The following KCNQ1 variants were observed in gnomAD, a reference collection of about 807,000 sequenced individuals.
KCNQ1 encodes potassium voltage-gated channel subfamily Q member 1.
A neutral mutation model predicts 72.4 loss-of-function variants in KCNQ1; 49 were observed. The ratio of observed to expected loss-of-function variants is 0.68; its 90% CI spans 0.54 to 0.86. The LOEUF (loss-of-function observed/expected upper bound fraction) is 0.86. KCNQ1 is among the 40% of genes least tolerant of loss of function. KCNQ1 has a pLI of 0.00. For synonymous variants in KCNQ1, 450 were observed against 412.6 expected, an observed-to-expected ratio of 1.09 and a Z score of -1.10; for missense variants, 790 against 945.1, an observed-to-expected ratio of 0.84 and a Z score of 2.15.
rs1319280517 is a variant in KCNQ1 at position 2,592,120 on chromosome 11, C to T, written c.1393+3266C>T. On this transcript the variant is annotated intron_variant, in intron 10 of 15. Coordinates refer to ENST00000155840, the MANE Select transcript of KCNQ1 (RefSeq NM_000218.3). This position sits in a 1 kb window ranked among gnomAD's most constrained non-coding sequence, Gnocchi z 5.2. ...CAGGTTAGGCAGAAGTCCCCTTGAC[C>T]CTGCCTCAGGGCTGCTACCTGTCTG... Among the ~76,000 whole-genome samples, 1 of 152,254 alleles carries T rather than the reference C, an allele frequency of 6.6e-6. No homozygotes were observed. The highest frequency in any genetic ancestry group is 1.5e-5 in the Non-Finnish European group (1 of 68,042).
At chr11:2,681,235 G>A (rs1035237500) in intron 11 of KCNQ1, 41 of 398,488 alleles carry the variant, frequency 1.0e-4, no homozygotes, top group Non-Finnish European at 1.1e-4. Context: ...GAAGGAAGCA[G>A]GAGAGTATTC....
rs1488842284 is a variant in KCNQ1 at position 2,603,242 on chromosome 11, C to G, written c.1393+14388C>G. On this transcript the variant is annotated intron_variant, in intron 10 of 15. Coordinates refer to ENST00000155840, the MANE Select transcript of KCNQ1 (RefSeq NM_000218.3). This position sits in a 1 kb window ranked among gnomAD's most constrained non-coding sequence, Gnocchi z 4.1. ...TGTAGTCTATTAAGTGTGCAATAGC[C>G]CCATGTCTAAGAAAACAATGTGCCT... Among the ~76,000 whole-genome samples the G allele has an allele frequency of 2.0e-5, 3 of 152,020 alleles. No individual in the cohort carries two copies. The highest frequency in any genetic ancestry group is 4.4e-5 in the Non-Finnish European group (3 of 67,994).
intron 1 of KCNQ1, among the ~76,000 whole-genome samples, chr11:2,449,483 A>G (rs1475187437): frequency 1.3e-5 from 2 of 152,150 alleles, no homozygotes; most frequent in African/African-American, 4.8e-5. Flanking sequence ...TGGGCCGGCC[A>G]GTGCGGGGTC....
In KCNQ1 at chr11:2,516,935, G is replaced by A. The variant is rs1230000759; in HGVS notation, c.387-10993G>A. 1.3e-5 allele frequency among the ~76,000 whole-genome samples: 2 copies of A among 152,126 alleles called. No individual in the cohort carries two copies. Among genetic ancestry groups the A allele is most frequent in the African/African-American group, 4.8e-5 (2 of 41,424 alleles). ...CCGGGAAGCTTCCTGGCTGCCCGAG[G>A]GTCCCCCAGCACCTGTCCCTCTAGG... is the stretch of plus-strand genomic sequence containing the variant. On this transcript the variant is annotated intron_variant, in intron 1 of 15. Transcript: ENST00000155840. This position sits in a 1 kb window ranked among gnomAD's most constrained non-coding sequence, Gnocchi z 7.0.
chr11:2,618,348 C>A, intron 10 of KCNQ1: 1 of 398,532 alleles, frequency 2.5e-6, no homozygotes, highest in Non-Finnish European at 4.4e-6. Flanking sequence ...ACAAAGTTTA[C>A]AAATTTGTGT....
intron 1 of KCNQ1, among the ~76,000 whole-genome samples, chr11:2,503,608 T>A (rs1247019025): frequency 6.6e-6 from 1 of 151,500 alleles, no homozygotes; most frequent in Non-Finnish European, 1.5e-5. Context: ...AGTTAATGGG[T>A]GCAGCACACC....
intron 8 of KCNQ1, among the ~76,000 whole-genome samples, chr11:2,586,038 G>A (rs1848587343): frequency 6.6e-6 from 1 of 152,232 alleles, no homozygotes; most frequent in Admixed American, 6.5e-5. Flanking sequence ...GTTGGCCACT[G>A]CAGGGCCAGG....
intron 6 of KCNQ1, among the ~76,000 whole-genome samples, chr11:2,581,081 C>T (rs1279548224): frequency 1.3e-5 from 2 of 152,202 alleles, no homozygotes; most frequent in African/African-American, 4.8e-5. Context: ...AGTGTCCCCC[C>T]AAAAAATCTG....
At chr11:2,518,669 G>A (rs543537049) in intron 1 of KCNQ1, among the ~76,000 whole-genome samples, 132 of 152,268 alleles carry the variant, frequency 8.7e-4, no homozygotes, top group African/African-American at 2.4e-3. Flanking sequence ...TCTGTCTAAC[G>A]GGGACAGCAC....
chr11:2,651,018 T>C lies in KCNQ1; in HGVS notation c.1394-10943T>C, dbSNP rs1415917495. 2.5e-5 allele frequency: 10 copies of C among 398,644 alleles called. No individual in the cohort carries two copies. The highest frequency in any genetic ancestry group is 4.0e-5 in the Non-Finnish European group (9 of 226,134). The allele number at this position is 398,644 out of a possible 1,614,324, so 24.7% of individuals were successfully genotyped here. A position where few individuals can be genotyped will look rare whatever the true frequency, so the allele number is the denominator to read the frequency against. Reference sequence around the variant, plus strand: ...TTTGCCCACACCTAGTCTCTCCAGCTATCTCCCTGGTTAAAACCACCACCA... The same window carrying C: ...TTTGCCCACACCTAGTCTCTCCAGCCATCTCCCTGGTTAAAACCACCACCA... On this transcript the variant is annotated intron_variant, in intron 10 of 15. Transcript: ENST00000155840. This position sits in a 1 kb window ranked among gnomAD's most constrained non-coding sequence, Gnocchi z 6.1.
rs1294667960 is a variant in KCNQ1 at position 2,654,327 on chromosome 11, G to C, written c.1394-7634G>C. ...ATTTCTTGAGGGGGCCAGGGAGGGG[G>C]CTTCTACTTGCAAAGGATAGGGAGA... is the stretch of plus-strand genomic sequence containing the variant. On this transcript the variant is annotated intron_variant, in intron 10 of 15. Transcript: ENST00000155840. The surrounding 1 kb of genome is among the most constrained non-coding windows in gnomAD (Gnocchi z 6.4). 30 of 398,684 alleles carry C rather than the reference G, an allele frequency of 7.5e-5. No homozygotes were observed. In the East Asian group the frequency reaches 1.1e-3, roughly 14 times the overall value. 24.7% of individuals were successfully genotyped at this position (398,684 alleles called of 1,614,324 possible).
chr11:2,602,827 A>G lies in KCNQ1; in HGVS notation c.1393+13973A>G, dbSNP rs894629314. ...TTATATATTCTAGATACTTATCTTA[A>G]GTCAGAAACAGGGTGCAAATATTTA... On this transcript the variant is annotated intron_variant, in intron 10 of 15. Coordinates refer to ENST00000155840, the MANE Select transcript of KCNQ1 (RefSeq NM_000218.3). This position sits in a 1 kb window ranked among gnomAD's most constrained non-coding sequence, Gnocchi z 4.8. Among the ~76,000 whole-genome samples, 32 of 152,212 alleles carry G rather than the reference A, an allele frequency of 2.1e-4. No homozygotes were observed. The highest frequency in any genetic ancestry group is 7.5e-4 in the African/African-American group (31 of 41,452).
chr11:2,463,277 A>C lies in KCNQ1; in HGVS notation c.386+17793A>C, dbSNP rs1334568115. Among the ~76,000 whole-genome samples the C allele has an allele frequency of 1.3e-5, 2 of 152,220 alleles. No individual in the cohort carries two copies. The highest frequency in any genetic ancestry group is 2.9e-5 in the Non-Finnish European group (2 of 68,040). On this transcript the variant is annotated intron_variant, in intron 1 of 15. Transcript: ENST00000155840. The surrounding 1 kb of genome is among the most constrained non-coding windows in gnomAD (Gnocchi z 7.0). ...CCAGTGGGTGACACAGAAGGCAGGA[A>C]TGCAGAAGGCCTTTCAGAAGTTCTC...
chr11:2,485,213 C>G (rs1846721797), intron 1 of KCNQ1, among the ~76,000 whole-genome samples: 1 of 152,076 alleles, frequency 6.6e-6, no homozygotes, highest in South Asian at 2.1e-4. Context: ...TTGGGTGTCC[C>G]CCGATTCTGA....
At chr11:2,675,697 G>A in intron 11 of KCNQ1, 1 of 398,682 alleles carries the variant, frequency 2.5e-6, no homozygotes, top group Non-Finnish European at 4.4e-6. Flanking sequence ...GCCTTTCCCT[G>A]TCAAAAACCT....
intron 10 of KCNQ1, chr11:2,625,155 CTG>C (rs1315986050): frequency 3.0e-5 from 12 of 398,536 alleles, no homozygotes; most frequent in African/African-American, 2.3e-4. Flanking sequence ...GAACACCAAA[CTG>C]TTTAACACAG....
At chr11:2,453,355 A>G (rs188334345) in intron 1 of KCNQ1, among the ~76,000 whole-genome samples, 1 of 152,084 alleles carries the variant, frequency 6.6e-6, no homozygotes, top group African/African-American at 2.4e-5. Context: ...CCTGGGCAAT[A>G]AGAGTGAAAT....
intron 12 of KCNQ1, among the ~76,000 whole-genome samples, chr11:2,774,937 C>T (rs233435): frequency 0.15 from 22,837 of 152,176 alleles, 1,847 homozygotes; most frequent in Middle Eastern, 0.19. Flanking sequence ...TGCCCCACCC[C>T]TCCCCACCAA....
At chr11:2,597,597 C>A (rs1848750546) in intron 10 of KCNQ1, among the ~76,000 whole-genome samples, 1 of 152,146 alleles carries the variant, frequency 6.6e-6, no homozygotes, top group Non-Finnish European at 1.5e-5. Context: ...GGGGCAAATA[C>A]AATGGTTTAC....
Sources: gnomAD v4.1 joint callset for allele counts (sites outside exome capture counted in the v4.1 genomes callset) on GRCh38, gnomAD v4.1.1 for gene constraint, Gnocchi (gnomAD v3.1) non-coding constraint, MANE v1.5 for transcripts, NCBI Gene and HGNC (gene_info 2026-07-23, HGNC 2026-07-21) for gene names.